NAALADL2: variants seen among roughly 807,000 people sequenced by gnomAD.
NAALADL2 encodes N-acetylated alpha-linked acidic dipeptidase like 2.
In NAALADL2, 76 loss-of-function variants were observed where a neutral mutation model predicts 87.2. The observed-to-expected ratio is 0.87, with a 90% confidence interval of 0.72 to 1.05. The LOEUF (loss-of-function observed/expected upper bound fraction) is 1.05, where lower values mean the gene tolerates loss of function less well. Ranked by LOEUF, NAALADL2 falls within the 50% of genes least tolerant of loss-of-function variation. The probability of loss-of-function intolerance (pLI) is 0.00; values close to 1 mark genes in which losing one functional copy is unlikely to be tolerated. For synonymous variants in NAALADL2, 354 were observed against 331.0 expected (o/e 1.07, Z -0.75); for missense variants, 1,089 against 945.8 (o/e 1.15, Z -1.99).
chr3:175,072,797 C>A (rs917577404), intron 1 of NAALADL2, among the ~76,000 whole-genome samples: 1 of 150,962 alleles, frequency 6.6e-6, no homozygotes, highest in Non-Finnish European at 1.5e-5. Context: ...ATGTAACAAA[C>A]CTGCACATTG....
intron 1 of NAALADL2, among the ~76,000 whole-genome samples, chr3:174,991,537 T>C (rs182195197): frequency 2.6e-5 from 4 of 152,102 alleles, no homozygotes; most frequent in Non-Finnish European, 5.9e-5. Flanking sequence ...TCAAGTACAA[T>C]CAGATGTGTC....
At chr3:174,932,966 A>AC (rs1737143540) in intron 1 of NAALADL2, among the ~76,000 whole-genome samples, 1 of 152,052 alleles carries the variant, frequency 6.6e-6, no homozygotes, top group South Asian at 2.1e-4. Context: ...AAAAATGCAA[A>AC]ATTAGCTGGG....
chr3:175,112,979 G>A (rs1580514020), intron 2 of NAALADL2, among the ~76,000 whole-genome samples: 1 of 151,562 alleles, frequency 6.6e-6, no homozygotes, highest in Admixed American at 6.6e-5. Context: ...AGACATGGAG[G>A]TAAGAAAGCA....
chr3:174,705,051 T>C (rs1448561259), intron 2 of NAALADL2, among the ~76,000 whole-genome samples: 1 of 152,114 alleles, frequency 6.6e-6, no homozygotes, highest in Non-Finnish European at 1.5e-5. Flanking sequence ...TTTACCCAGT[T>C]TTTACAGTTC....
At chr3:174,803,464 A>T (rs1202938168) in intron 3 of NAALADL2, among the ~76,000 whole-genome samples, 4 of 152,088 alleles carry the variant, frequency 2.6e-5, no homozygotes, top group African/African-American at 9.7e-5. Context: ...TGCTGTGCAG[A>T]AGCTCTTTAG....
At chr3:174,482,881 A>G (rs1402385035) in intron 1 of NAALADL2, among the ~76,000 whole-genome samples, 2 of 152,086 alleles carry the variant, frequency 1.3e-5, no homozygotes, top group Non-Finnish European at 2.9e-5. Context: ...ATTATAAGAT[A>G]AGCTTTGTGT....
At chr3:174,470,338 A>G (rs1716823113) in intron 1 of NAALADL2, among the ~76,000 whole-genome samples, 1 of 151,822 alleles carries the variant, frequency 6.6e-6, no homozygotes. Flanking sequence ...CTACTTTTTT[A>G]ATGGGGTTAT....
intron 1 of NAALADL2, among the ~76,000 whole-genome samples, chr3:174,949,165 C>A (rs1180798144): frequency 6.6e-6 from 1 of 152,176 alleles, no homozygotes; most frequent in African/African-American, 2.4e-5. Flanking sequence ...ACTACCATCA[C>A]CCTGGGGGTG....
chr3:174,865,948 T>C (rs984638339), intron 1 of NAALADL2, among the ~76,000 whole-genome samples: 4 of 151,786 alleles, frequency 2.6e-5, no homozygotes, highest in Admixed American at 2.6e-4. Context: ...ATAAACATAA[T>C]AGAGATAAGA....
At chr3:175,757,884 A>G (rs565467952) in intron 13 of NAALADL2, among the ~76,000 whole-genome samples, 1 of 152,258 alleles carries the variant, frequency 6.6e-6, no homozygotes, top group South Asian at 2.1e-4. Flanking sequence ...TTAGGGGTTT[A>G]AAATATATTT....
At chr3:175,107,168 A>G (rs189530237) in intron 2 of NAALADL2, among the ~76,000 whole-genome samples, 33 of 152,172 alleles carry the variant, frequency 2.2e-4, no homozygotes, top group African/African-American at 7.7e-4. Flanking sequence ...ACATGGTATC[A>G]AATGTTTGGT....
chr3:175,307,384 G>A (rs1034081552), intron 4 of NAALADL2, among the ~76,000 whole-genome samples: 9 of 151,948 alleles, frequency 5.9e-5, no homozygotes, highest in African/African-American at 9.7e-5. Flanking sequence ...AAATGTTAAC[G>A]TATGTTATGT....
At chr3:174,542,617 T>C (rs1722346447) in intron 1 of NAALADL2, among the ~76,000 whole-genome samples, 1 of 152,146 alleles carries the variant, frequency 6.6e-6, no homozygotes, top group Non-Finnish European at 1.5e-5. Flanking sequence ...CAGATAAGAC[T>C]TCAGAGGGTG....
intron 3 of NAALADL2, among the ~76,000 whole-genome samples, chr3:174,798,953 T>C (rs1718470161): frequency 6.6e-6 from 1 of 152,046 alleles, no homozygotes; most frequent in Non-Finnish European, 1.5e-5. Context: ...GTGGATCACC[T>C]GAGGTCAGAA....
chr3:175,638,085 A>G (rs186315484), intron 11 of NAALADL2, among the ~76,000 whole-genome samples: 455 of 152,350 alleles, frequency 3.0e-3, no homozygotes, highest in Non-Finnish European at 3.4e-3. Context: ...AAAGTTTTGT[A>G]AAATAGATGA....
rs568139577 is a variant in NAALADL2, at chr3:175,536,947, G to A, written c.1654-39094G>A. Among the ~76,000 whole-genome samples the A allele has an allele frequency of 3.9e-5, 6 of 152,190 alleles. No homozygotes were observed. In the East Asian group the frequency reaches 5.8e-4, roughly 15 times the overall value. On this transcript the variant is annotated intron_variant, in intron 9 of 13. Transcript: ENST00000454872. ...CAATGAGCAGAGATCGCGCCACTGCGCTCCAGCCTGAGCGACAGAAAGAGA... is the reference window on the plus strand; with the variant it reads ...CAATGAGCAGAGATCGCGCCACTGCACTCCAGCCTGAGCGACAGAAAGAGA...
intron 7 of NAALADL2, among the ~76,000 whole-genome samples, chr3:175,466,421 G>A (rs1724031183): frequency 6.6e-6 from 1 of 151,944 alleles, no homozygotes; most frequent in South Asian, 2.1e-4. Context: ...TATGTAAAAG[G>A]CAACTTTTAC....
chr3:175,124,106 C>G (rs1283607237), intron 2 of NAALADL2, among the ~76,000 whole-genome samples: 1 of 151,906 alleles, frequency 6.6e-6, no homozygotes, highest in African/African-American at 2.4e-5. Context: ...TAACTTGGTT[C>G]CACTTCATTT....
At chr3:175,624,605 AAC>A (rs141595085) in intron 10 of NAALADL2, among the ~76,000 whole-genome samples, 125 of 152,144 alleles carry the variant, frequency 8.2e-4, no homozygotes, top group Non-Finnish European at 1.4e-3. Flanking sequence ...AGTGTGATGT[AAC>A]AAAAAATTAC....
Sources: gnomAD v4.1 joint callset for allele counts (sites outside exome capture counted in the v4.1 genomes callset) on GRCh38, gnomAD v4.1.1 for gene constraint, MANE v1.5 for transcripts, NCBI Gene and HGNC (gene_info 2026-07-23, HGNC 2026-07-21) for gene names.